Variants in SLC23A2 observed in about 807,000 individuals in gnomAD.
The protein encoded by SLC23A2 is solute carrier family 23 member 2.
A neutral mutation model predicts 73.3 loss-of-function variants in SLC23A2; 36 were observed. That is an observed-to-expected ratio of 0.49 (90% CI 0.38 to 0.65). The LOEUF is 0.65. Ranked by LOEUF, SLC23A2 falls within the 30% of genes least tolerant of loss-of-function variation. SLC23A2 has a pLI of 0.00. For synonymous variants in SLC23A2, 343 were observed against 327.3 expected (o/e 1.05, Z -0.52); for missense variants, 507 against 841.6 (o/e 0.60, Z 4.92).
At chr20:4,908,240 G>T (rs543662556) in intron 4 of SLC23A2, among the ~76,000 whole-genome samples, 4 of 152,158 alleles carry the variant, frequency 2.6e-5, no homozygotes, top group Non-Finnish European at 5.9e-5. Context: ...CCCAGAAAAG[G>T]ATATACACAT....
intron 13 of SLC23A2, 69 bp downstream of exon 13, chr20:4,867,701 G>A (rs1930261595): frequency 1.2e-6 from 1 of 841,230 alleles, no homozygotes; most frequent in African/African-American, 1.7e-5. Context: ...AACTTGCAGT[G>A]GCCAGATCGA....
rs1932802483 is a variant in SLC23A2 at position 4,932,663 on chromosome 20, G to A, written c.-101C>T. 2 of 713,498 alleles carry A rather than the reference G, an allele frequency of 2.8e-6. No individual in the cohort carries two copies. The highest frequency in any genetic ancestry group is 2.2e-5 in the Admixed American group (1 of 45,284). The allele number at this position is 713,498 out of a possible 1,614,324, so 44.2% of individuals were successfully genotyped here. A position where few individuals can be genotyped will look rare whatever the true frequency, so the allele number is the denominator to read the frequency against. ...GGATCAGCCGGCTCTTCTAGTGCCT[G>A]GAGCCCCCGATTCTCAAGCAGAGAT... On this transcript the variant is annotated 5_prime_UTR_variant, in exon 3 of 17. It introduces an in-frame stop codon into an upstream open reading frame of the 5' UTR. Coordinates refer to ENST00000338244, the MANE Select transcript of SLC23A2 (RefSeq NM_005116.6).
intron 2 of SLC23A2, among the ~76,000 whole-genome samples, chr20:4,949,310 A>C (rs184629263): frequency 1.5e-3 from 222 of 151,872 alleles, no homozygotes; most frequent in African/African-American, 5.3e-3. Flanking sequence ...AAAAAAGGAA[A>C]ACATAAAAGA....
chr20:4,877,036 T>C (rs1333636211), intron 9 of SLC23A2, among the ~76,000 whole-genome samples: 1 of 151,966 alleles, frequency 6.6e-6, no homozygotes, highest in Non-Finnish European at 1.5e-5. Context: ...GGGGGAGGGA[T>C]AGCATTAGGA....
chr20:5,000,772 T>C (rs1431377736), intron 1 of SLC23A2, among the ~76,000 whole-genome samples: 2 of 151,886 alleles, frequency 1.3e-5, no homozygotes, highest in Non-Finnish European at 2.9e-5. Flanking sequence ...GAAATGTCAT[T>C]TTTTCCCCCC....
intron 1 of SLC23A2, among the ~76,000 whole-genome samples, chr20:4,980,786 T>A (rs2087714892): frequency 2.6e-5 from 4 of 152,210 alleles, no homozygotes; most frequent in African/African-American, 9.6e-5. Flanking sequence ...CACCTCGGCC[T>A]CCCAAAGGGC....
upstream of SLC23A2, among the ~76,000 whole-genome samples, chr20:5,004,429 AG>A (rs2088167652): frequency 1.3e-5 from 2 of 152,186 alleles, no homozygotes; most frequent in South Asian, 4.1e-4. Flanking sequence ...CCATCGAAAA[AG>A]TTTCTCTCTG....
At chr20:4,935,586 C>A (rs1050464882) in intron 2 of SLC23A2, among the ~76,000 whole-genome samples, 1 of 152,114 alleles carries the variant, frequency 6.6e-6, no homozygotes, top group Non-Finnish European at 1.5e-5. Context: ...ATCACGAGGT[C>A]AGGAGATCGA....
intron 12 of SLC23A2, among the ~76,000 whole-genome samples, chr20:4,869,297 G>T (rs1930332960): frequency 6.7e-6 from 1 of 149,002 alleles, no homozygotes; most frequent in African/African-American, 2.5e-5. Context: ...GCAACACGGT[G>T]AGACCCTGGG....
intron 2 of SLC23A2, among the ~76,000 whole-genome samples, chr20:4,945,720 G>A (rs2087110231): frequency 6.6e-6 from 1 of 152,144 alleles, no homozygotes; most frequent in Non-Finnish European, 1.5e-5. Context: ...AAAGACAGGG[G>A]TAACCGAGAG....
Position 4,891,703 on chromosome 20 carries a change from A to T in SLC23A2, c.483-5794T>A, listed in dbSNP as rs146927569. 5.8e-3 allele frequency among the ~76,000 whole-genome samples: 877 copies of T among 152,360 alleles called. 6 individuals carry two copies. The highest frequency in any genetic ancestry group is 7.9e-3 in the Non-Finnish European group (535 of 68,032). The stretch of plus-strand genomic sequence containing the variant: ...GGGGAAAACTAAGATAAACAGAGTC[A>T]GCCACTGAGTGTGGACAGGTACCAG... On this transcript the variant is annotated intron_variant, in intron 6 of 16. Transcript: ENST00000338244.
At chr20:4,984,750 T>A (rs2087795498) in intron 1 of SLC23A2, among the ~76,000 whole-genome samples, 1 of 151,940 alleles carries the variant, frequency 6.6e-6, no homozygotes, top group African/African-American at 2.4e-5. Context: ...AAAGCAGCAA[T>A]AACAGTTGTC....
At chr20:5,003,199 C>G (rs924119541), upstream of SLC23A2, among the ~76,000 whole-genome samples, 1 of 151,988 alleles carries the variant, frequency 6.6e-6, no homozygotes, top group Non-Finnish European at 1.5e-5. Flanking sequence ...CTGGCAAACA[C>G]GGTGAAACCC....
At chr20:4,942,323 GC>G (rs1455500948) in intron 2 of SLC23A2, among the ~76,000 whole-genome samples, 3 of 140,232 alleles carry the variant, frequency 2.1e-5, no homozygotes, top group Admixed American at 1.5e-4. Context: ...GCTCCCTGCA[GC>G]CAAAGTTAAA....
At chr20:5,003,202 T>C (rs2088150547), upstream of SLC23A2, among the ~76,000 whole-genome samples, 1 of 151,904 alleles carries the variant, frequency 6.6e-6, no homozygotes, top group African/African-American at 2.4e-5. Flanking sequence ...GCAAACACGG[T>C]GAAACCCCGT....
intron 3 of SLC23A2, 100 bp downstream of exon 3, chr20:4,932,355 C>G (rs1004394658): frequency 3.9e-6 from 3 of 778,098 alleles, no homozygotes; most frequent in Non-Finnish European, 6.9e-6. Context: ...AATGCCTTAA[C>G]CTTCACTGAA....
rs772604898 is a variant in SLC23A2 at position 4,874,028 on chromosome 20, G to A, written c.1010C>T (p.Pro337Leu). Residue 337 changes from proline to leucine, a missense_variant, in exon 11 of 17, where the codon CCT (proline) becomes CTT (leucine). Physicochemically the swap from Pro to Leu is moderately conservative, Grantham distance 98. Around this residue, in one of 5 missense-constraint regions of SLC23A2, gnomAD observed 217 missense variants for 398.0 expected, o/e 0.55. Transcript: ENST00000338244. Reference protein sequence around the residue: ...CFIFTVTDVFPPDSTKYGFYA... With the variant: ...CFIFTVTDVFLPDSTKYGFYA... Reference sequence around the variant, plus strand: ...GAAGCCATACTTTGTGCTGTCGGGAGGGAAGACATCTGTCACCGTGAAGAT... The same window carrying A: ...GAAGCCATACTTTGTGCTGTCGGGAAGGAAGACATCTGTCACCGTGAAGAT... 1 of 1,614,176 alleles carries A rather than the reference G, an allele frequency of 6.2e-7. No individual in the cohort carries two copies. Among genetic ancestry groups the A allele is most frequent in the Non-Finnish European group, 8.5e-7 (1 of 1,180,022 alleles).
intron 3 of SLC23A2, among the ~76,000 whole-genome samples, chr20:4,913,574 T>C (rs1614554): frequency 0.11 from 16,301 of 152,246 alleles, 1,202 homozygotes; most frequent in African/African-American, 0.2. Context: ...TCACTGTTTA[T>C]AATAACAAAT....
Position 4,920,562 on chromosome 20 carries a change from T to G in SLC23A2, c.109-7584A>C, listed in dbSNP as rs148897430. 9.9e-3 allele frequency among the ~76,000 whole-genome samples: 1,514 copies of G among 152,316 alleles called. 19 individuals carry two copies. Among genetic ancestry groups the G allele is most frequent in the African/African-American group, 0.034 (1,424 of 41,560 alleles). The stretch of plus-strand genomic sequence containing the variant: ...ATTAGAAACAGTCTAGATGTCTATC[T>G]GCAGTAATTAAATAAATTATGGTGT... On this transcript the variant is annotated intron_variant, in intron 3 of 16. Transcript: ENST00000338244.
Sources: allele counts gnomAD v4.1 joint callset (sites outside exome capture counted in the v4.1 genomes callset), GRCh38; gene constraint gnomAD v4.1.1; regional missense constraint gnomAD v4.1.1; transcripts MANE v1.5; gene names NCBI Gene and HGNC (gene_info 2026-07-23, HGNC 2026-07-21).